The following PCDH15 variants were observed in gnomAD, a reference collection of about 807,000 sequenced individuals.
PCDH15 encodes protocadherin related 15, also known as protocadherin-15.
PCDH15 carries 129 observed loss-of-function variants against 178.5 expected under a neutral mutation model. That is an observed-to-expected ratio of 0.72 (90% confidence interval 0.63 to 0.84). PCDH15 has a LOEUF of 0.84. PCDH15 is among the 40% of genes least tolerant of loss of function. The probability of loss-of-function intolerance (pLI) is 0.00; values close to 1 mark genes in which losing one functional copy is unlikely to be tolerated. For synonymous variants in PCDH15, 800 were observed against 732.0 expected (o/e 1.09, Z -1.50); for missense variants, 2,230 against 2,099.9 (o/e 1.06, Z -1.21).
chr10:54,657,649 C>G (rs2094430724), intron 2 of PCDH15, among the ~76,000 whole-genome samples: 1 of 152,042 alleles, frequency 6.6e-6, no homozygotes, highest in African/African-American at 2.4e-5. Flanking sequence ...TGAAAGCACC[C>G]CAAAACAAAG....
intron 15 of PCDH15, among the ~76,000 whole-genome samples, chr10:54,110,997 A>G (rs926958949): frequency 6.7e-6 from 1 of 148,988 alleles, no homozygotes; most frequent in Non-Finnish European, 1.5e-5. Flanking sequence ...GAAACACCAT[A>G]GGGACTTTGC....
At chr10:54,098,111 A>C (rs2094733672) in intron 15 of PCDH15, among the ~76,000 whole-genome samples, 1 of 151,698 alleles carries the variant, frequency 6.6e-6, no homozygotes, top group African/African-American at 2.4e-5. Flanking sequence ...AAAAAAAGAA[A>C]CCCCACATGC....
At chr10:55,585,741 GTATATA>G (rs964645872) in intron 2 of PCDH15, among the ~76,000 whole-genome samples, 1 of 151,670 alleles carries the variant, frequency 6.6e-6, no homozygotes, top group African/African-American at 2.4e-5. Flanking sequence ...ATATGTGTGT[GTATATA>G]TATATGTGTG....
chr10:55,008,014 G>A (rs1199138885), intron 2 of PCDH15, among the ~76,000 whole-genome samples: 1 of 151,996 alleles, frequency 6.6e-6, no homozygotes, highest in East Asian at 1.9e-4. Flanking sequence ...AAAAATGTTA[G>A]TATTTAAAGT....
intron 1 of PCDH15, among the ~76,000 whole-genome samples, chr10:55,287,840 A>G (rs758055124): frequency 5.3e-5 from 8 of 151,978 alleles, no homozygotes; most frequent in Non-Finnish European, 1.0e-4. Flanking sequence ...GAGACCACAT[A>G]TCTTCCATTC....
At chr10:53,825,106 T>G in intron 32 of PCDH15, 5 of 1,526,430 alleles carry the variant, frequency 3.3e-6, no homozygotes, top group Non-Finnish European at 3.5e-6. Flanking sequence ...TTTCTAACGC[T>G]CTTCTATTAG....
intron 11 of PCDH15, among the ~76,000 whole-genome samples, chr10:54,189,028 C>T (rs2048727378): frequency 6.6e-6 from 1 of 151,758 alleles, no homozygotes; most frequent in African/African-American, 2.4e-5. Flanking sequence ...AGAAAAAATG[C>T]CATGATAAAT....
intron 2 of PCDH15, among the ~76,000 whole-genome samples, chr10:55,102,902 T>C (rs1842604025): frequency 6.6e-6 from 1 of 152,110 alleles, no homozygotes; most frequent in Non-Finnish European, 1.5e-5. Flanking sequence ...GTATTTACTA[T>C]TAATTAAGTG....
intron 25 of PCDH15, among the ~76,000 whole-genome samples, chr10:53,922,146 T>C (rs2133886004): frequency 6.6e-6 from 1 of 152,298 alleles, no homozygotes; most frequent in Non-Finnish European, 1.5e-5. Context: ...TGGCTGCTTT[T>C]CTAACATGTC....
intron 2 of PCDH15, among the ~76,000 whole-genome samples, chr10:55,410,025 T>A (rs1838294318): frequency 1.3e-5 from 2 of 152,132 alleles, no homozygotes; most frequent in South Asian, 4.1e-4. Flanking sequence ...TTAGAAAATG[T>A]GTTTAAAGGG....
At chr10:54,614,712 G>A (rs888017044) in intron 2 of PCDH15, among the ~76,000 whole-genome samples, 5 of 151,748 alleles carry the variant, frequency 3.3e-5, no homozygotes, top group Non-Finnish European at 7.4e-5. Context: ...TACTTTTCTC[G>A]TGCTTGTCCA....
intron 7 of PCDH15, among the ~76,000 whole-genome samples, chr10:54,320,303 G>A (rs1167102152): frequency 6.6e-6 from 1 of 151,902 alleles, no homozygotes; most frequent in Non-Finnish European, 1.5e-5. Flanking sequence ...TCTCCCCTTT[G>A]ACTCCTAGAA....
At chr10:54,528,642 G>A (rs566615663) in intron 2 of PCDH15, among the ~76,000 whole-genome samples, 12 of 151,870 alleles carry the variant, frequency 7.9e-5, no homozygotes, top group South Asian at 4.2e-4. Context: ...TTTAAAAGCC[G>A]TTACAAAAAA....
At chr10:54,903,309 A>G (rs1413405123) in intron 2 of PCDH15, among the ~76,000 whole-genome samples, 1 of 152,162 alleles carries the variant, frequency 6.6e-6, no homozygotes, top group Non-Finnish European at 1.5e-5. Context: ...CTATGTGTTT[A>G]AAATAGTCTT....
intron 8 of PCDH15, among the ~76,000 whole-genome samples, chr10:54,288,180 G>C (rs1227728866): frequency 5.9e-5 from 9 of 151,976 alleles, no homozygotes; most frequent in Non-Finnish European, 4.4e-5. Context: ...AAATTAGCCA[G>C]GCATGGTGGA....
chr10:54,317,603 C>T (rs1193108785), intron 7 of PCDH15, among the ~76,000 whole-genome samples, 162 bp from the exon 8 acceptor site: 2 of 151,924 alleles, frequency 1.3e-5, no homozygotes, highest in Admixed American at 6.6e-5. Context: ...GGTGAAACCC[C>T]GTCTCCACTA....
chr10:54,251,074 T>C (rs561389477), intron 8 of PCDH15, among the ~76,000 whole-genome samples: 1 of 152,336 alleles, frequency 6.6e-6, no homozygotes, highest in East Asian at 1.9e-4. Context: ...ATATGAATCC[T>C]TGTATATATG....
intron 2 of PCDH15, among the ~76,000 whole-genome samples, chr10:55,588,143 T>G (rs903415828): frequency 1.4e-4 from 21 of 152,180 alleles, no homozygotes; most frequent in Admixed American, 2.6e-4. Context: ...GGTCTTGACT[T>G]GTCATAGGCC....
At chr10:54,940,352 C>G (rs185784141) in intron 2 of PCDH15, among the ~76,000 whole-genome samples, 1 of 152,052 alleles carries the variant, frequency 6.6e-6, no homozygotes, top group East Asian at 1.9e-4. Context: ...CAGTTTTGCT[C>G]TGTTGTTCGT....
Sources: gnomAD v4.1 joint callset for allele counts (sites outside exome capture counted in the v4.1 genomes callset) on GRCh38, gnomAD v4.1.1 for gene constraint, MANE v1.5 for transcripts, NCBI Gene and HGNC (gene_info 2026-07-23, HGNC 2026-07-21) for gene names.